The following DCP1A variants were observed in gnomAD, a reference collection of about 807,000 sequenced individuals.
DCP1A encodes decapping mRNA 1A, also known as mRNA-decapping enzyme 1A.
In DCP1A, 20 loss-of-function variants were observed where a neutral mutation model predicts 58.0. The ratio of observed to expected loss-of-function variants is 0.34; its 90% CI spans 0.24 to 0.50. The LOEUF (loss-of-function observed/expected upper bound fraction) is 0.50. Among genes scored for constraint, DCP1A ranks in the 20% least tolerant of loss-of-function variants. The pLI is 0.98. For missense variants in DCP1A, 613 were observed against 712.2 expected, an observed-to-expected ratio of 0.86 and a Z score of 1.59; for synonymous variants, 285 against 275.1, an observed-to-expected ratio of 1.04 and a Z score of -0.36.
rs573952743 is a variant in DCP1A, at chr3:53,308,546, G to A, written c.510+3695C>T. 3.3e-5 allele frequency among the ~76,000 whole-genome samples: 5 copies of A among 152,284 alleles called. 1 individual carries two copies. The East Asian group carries it at 7.7e-4, about 23-fold the overall frequency. On this transcript the variant is annotated intron_variant, in intron 5 of 9. Transcript: ENST00000610213. ...TTCTCCTGCTCCAGCCTTCCAAAGC[G>A]CTGGGATTATAGACATAGCCACAGC...
At chr3:53,310,606 G>A (rs1471647638) in intron 5 of DCP1A, among the ~76,000 whole-genome samples, 3 of 152,244 alleles carry the variant, frequency 2.0e-5, no homozygotes, top group Admixed American at 2.0e-4. Context: ...AAGGGTAGAA[G>A]AGGGGAATGT....
At chr3:53,293,425 C>A (rs1010201085) in intron 6 of DCP1A, among the ~76,000 whole-genome samples, 6 of 152,134 alleles carry the variant, frequency 3.9e-5, no homozygotes, top group African/African-American at 1.4e-4. Flanking sequence ...GAAAAACATT[C>A]GTGTTTTCCT....
chr3:53,347,351 G>A, intron 1 of DCP1A, 32 bp downstream of exon 1: 1 of 1,528,982 alleles, frequency 6.5e-7, no homozygotes, highest in Non-Finnish European at 8.8e-7. Context: ...GCAGCGGCCG[G>A]GTGGCCGTCC....
intron 3 of DCP1A, among the ~76,000 whole-genome samples, chr3:53,326,981 C>T (rs570851467): frequency 6.7e-6 from 1 of 150,264 alleles, no homozygotes; most frequent in East Asian, 2.0e-4. Context: ...GTCCAACCCC[C>T]CCCCCCCAAC....
chr3:53,312,986 T>TCAAACTA (rs1396443326), intron 4 of DCP1A, among the ~76,000 whole-genome samples: 6 of 152,086 alleles, frequency 3.9e-5, no homozygotes, highest in African/African-American at 1.4e-4. Context: ...TCCCTTGAAG[T>TCAAACTA]ATTTCAAAAT....
At chr3:53,346,454 G>A (rs2089292851) in intron 1 of DCP1A, among the ~76,000 whole-genome samples, 1 of 152,196 alleles carries the variant, frequency 6.6e-6, no homozygotes, top group South Asian at 2.1e-4. Context: ...TTATTGAAAT[G>A]TGAACTCCAG....
rs1553686331 is a variant in DCP1A, at chr3:53,292,735, T to C, written c.717A>G (p.Ser239=). ...KEQPAVVGLD[S]EEMERLPGDA... ...CTCCTGGCAACCTCTCCATTTCTTC[T>C]GAATCCAGACCCACAACTGCTGGTT... The change falls in exon 7 of 10, where the codon TCA becomes TCG. Residue 239 remains serine, a synonymous_variant. Coordinates refer to ENST00000610213, the MANE Select transcript of DCP1A (RefSeq NM_018403.7). 1.2e-6 allele frequency: 2 copies of C among 1,613,788 alleles called. No homozygotes were observed. The highest frequency in any genetic ancestry group is 1.7e-5 in the Admixed American group (1 of 59,982).
intron 3 of DCP1A, among the ~76,000 whole-genome samples, chr3:53,321,135 C>A (rs1322845904): frequency 6.6e-6 from 1 of 152,250 alleles, no homozygotes; most frequent in Non-Finnish European, 1.5e-5. Context: ...CAGGCCCAGG[C>A]CCCCTTCTTA....
intron 5 of DCP1A, among the ~76,000 whole-genome samples, chr3:53,308,735 A>G (rs1356574471): frequency 6.6e-6 from 1 of 152,032 alleles, no homozygotes; most frequent in African/African-American, 2.4e-5. Flanking sequence ...CTGGGACTAC[A>G]GGTGTGTGCC....
At chr3:53,298,772 G>A (rs951860091) in intron 6 of DCP1A, among the ~76,000 whole-genome samples, 1 of 152,174 alleles carries the variant, frequency 6.6e-6, no homozygotes, top group Non-Finnish European at 1.5e-5. Flanking sequence ...ATGCATCAAC[G>A]TTTGGAAATA....
intron 6 of DCP1A, among the ~76,000 whole-genome samples, chr3:53,295,259 G>A (rs78189807): frequency 3.9e-4 from 59 of 152,318 alleles, no homozygotes; most frequent in African/African-American, 1.4e-3. Flanking sequence ...AAAAGTAACT[G>A]TTGTGGAGGA....
Position 53,287,586 on chromosome 3 carries a change from GT to G in DCP1A, c.1742del (p.Asn581ThrfsTer47). 6.2e-7 allele frequency: 1 copy of G among 1,606,114 alleles called. No homozygotes were observed. Among genetic ancestry groups the G allele is most frequent in the Middle Eastern group, 1.7e-4 (1 of 6,050 alleles). ...TAGACTTATTCTGCTCCAGTCATAG[GT>G]TGTGGTTGTCTTTGTTCTTGGTCAG... Reference protein sequence around the residue: ...QVLTKNKDNHNL With the variant: ...QVLTKNKDNHXL On this transcript the variant is annotated frameshift_variant, in exon 10 of 10. Transcript: ENST00000610213. LOFTEE classifies it high-confidence loss of function.
chr3:53,290,749 T>TA (rs61290855), intron 8 of DCP1A, 42 bp downstream of exon 8: 8,119 of 681,258 alleles, frequency 0.012, 126 homozygotes, highest in East Asian at 0.035. Context: ...CGACTAGTCT[T>TA]AAAAAAAAAA....
chr3:53,323,275 C>A (rs1177776388), intron 3 of DCP1A, among the ~76,000 whole-genome samples: 1 of 152,166 alleles, frequency 6.6e-6, no homozygotes, highest in Non-Finnish European at 1.5e-5. Flanking sequence ...TTTAACATCT[C>A]AATGGAAGGA....
At chr3:53,312,496 T>A (rs570640930) in intron 4 of DCP1A, 117 bp from the exon 5 acceptor site, 1,668 of 164,204 alleles carry the variant, frequency 0.01, 12 homozygotes, top group African/African-American at 0.056. Flanking sequence ...GACATTCTTC[T>A]TTTTTTTTTT....
chr3:53,311,266 A>C (rs552433964), intron 5 of DCP1A, among the ~76,000 whole-genome samples: 1 of 152,306 alleles, frequency 6.6e-6, no homozygotes, highest in South Asian at 2.1e-4. Context: ...ATAGGCATGA[A>C]AGGAAAGCAC....
In DCP1A at chr3:53,337,123, T is replaced by C. The variant is rs545432384; in HGVS notation, c.304+5021A>G. On this transcript the variant is annotated intron_variant, in intron 3 of 9. Transcript: ENST00000610213. Reference sequence around the variant, plus strand: ...CTGACCGCAGGTGATCCACCCGCCTTGGCCTCCCAAAGTGCTGGGATACAG... The same window carrying C: ...CTGACCGCAGGTGATCCACCCGCCTCGGCCTCCCAAAGTGCTGGGATACAG... Among the ~76,000 whole-genome samples, 13 of 152,144 alleles carry C rather than the reference T, an allele frequency of 8.5e-5. 1 individual carries two copies. The highest frequency in any genetic ancestry group is 1.9e-4 in the Non-Finnish European group (13 of 68,026).
chr3:53,304,031 C>G, intron 6 of DCP1A, 146 bp downstream of exon 6: 1 of 586,446 alleles, frequency 1.7e-6, no homozygotes, highest in Non-Finnish European at 2.9e-6. Flanking sequence ...AACAGTTACT[C>G]GGATCATGAC....
intron 5 of DCP1A, among the ~76,000 whole-genome samples, chr3:53,305,516 A>AT (rs1575601521): frequency 1.3e-5 from 2 of 151,606 alleles, no homozygotes; most frequent in Admixed American, 1.3e-4. Context: ...CACCCAGCTA[A>AT]TTTTCATATT....
Sources: gnomAD v4.1 joint callset for allele counts (sites outside exome capture counted in the v4.1 genomes callset) on GRCh38, gnomAD v4.1.1 for gene constraint, MANE v1.5 for transcripts, NCBI Gene and HGNC (gene_info 2026-07-23, HGNC 2026-07-21) for gene names.